Variants in ATXN1 observed in about 807,000 individuals in gnomAD.
ATXN1 encodes ataxin 1.
Under a neutral mutation model 56.4 loss-of-function variants are expected in ATXN1, and 8 were observed. The observed-to-expected ratio is 0.14, with a 90% CI of 0.08 to 0.26. The LOEUF is 0.26. Ranked by LOEUF, ATXN1 falls within the 10% of genes least tolerant of loss-of-function variation. The probability of loss-of-function intolerance (pLI) is 1.00; values close to 1 mark genes in which losing one functional copy is unlikely to be tolerated. For missense variants in ATXN1, 987 were observed against 1,106.5 expected, an observed-to-expected ratio of 0.89 and a Z score of 1.53; for synonymous variants, 514 against 494.6, an observed-to-expected ratio of 1.04 and a Z score of -0.52.
chr6:16,719,138 C>T lies in ATXN1; in HGVS notation c.-615+34095G>A, dbSNP rs148611734. ...ATCAACGCAATTAAGAGAAATCTGGCCTTTCACGTGAATTTATGATACAAG... is the reference window on the plus strand; with the variant it reads ...ATCAACGCAATTAAGAGAAATCTGGTCTTTCACGTGAATTTATGATACAAG... On this transcript the variant is annotated intron_variant, in intron 2 of 7. Coordinates refer to ENST00000436367, the MANE Select transcript of ATXN1 (RefSeq NM_001128164.2). 1.4e-4 allele frequency among the ~76,000 whole-genome samples: 22 copies of T among 152,268 alleles called. No homozygotes were observed. In the East Asian group the frequency reaches 4.2e-3, roughly 29 times the overall value.
intron 4 of ATXN1, among the ~76,000 whole-genome samples, chr6:16,536,554 G>GA (rs1188549575): frequency 3.9e-5 from 6 of 152,166 alleles, no homozygotes; most frequent in Admixed American, 1.3e-4. Context: ...AGTTTCCCAG[G>GA]AAAGATTTAT....
chr6:16,727,481 C>T (rs1150633), intron 2 of ATXN1, among the ~76,000 whole-genome samples: 41,452 of 151,866 alleles, frequency 0.27, 6,051 homozygotes, highest in African/African-American at 0.35. Flanking sequence ...TACAATGTTT[C>T]AAGAAGAAAT....
intron 6 of ATXN1, among the ~76,000 whole-genome samples, chr6:16,407,266 C>T (rs1362318549): frequency 1.3e-5 from 2 of 152,184 alleles, no homozygotes; most frequent in Non-Finnish European, 2.9e-5. Flanking sequence ...GAAACAAATA[C>T]ATTATTAAAT....
intron 3 of ATXN1, among the ~76,000 whole-genome samples, chr6:16,651,825 T>A (rs537956972): frequency 6.6e-6 from 1 of 152,374 alleles, no homozygotes; most frequent in Admixed American, 6.5e-5. Flanking sequence ...ATGGTGCAGA[T>A]GCCTTCAGGG....
intron 4 of ATXN1, among the ~76,000 whole-genome samples, chr6:16,524,452 G>A (rs1022434690): frequency 6.6e-6 from 1 of 152,166 alleles, no homozygotes; most frequent in African/African-American, 2.4e-5. Flanking sequence ...CAGACGAGAC[G>A]TCTACAGTAC....
At chr6:16,749,338 C>T (rs1195225498) in intron 2 of ATXN1, among the ~76,000 whole-genome samples, 1 of 152,178 alleles carries the variant, frequency 6.6e-6, no homozygotes, top group Non-Finnish European at 1.5e-5. Flanking sequence ...GTTGTTAAAA[C>T]GTACAGGGCT....
Position 16,546,406 on chromosome 6 carries a change from C to T in ATXN1, c.-360-23718G>A, listed in dbSNP as rs114604248. Among the ~76,000 whole-genome samples, 89 of 152,322 alleles carry T rather than the reference C, an allele frequency of 5.8e-4. 2 individuals are homozygous for T. Among genetic ancestry groups the T allele is most frequent in the African/African-American group, 2.1e-3 (87 of 41,558 alleles). On this transcript the variant is annotated intron_variant, in intron 4 of 7. Coordinates refer to ENST00000436367, the MANE Select transcript of ATXN1 (RefSeq NM_001128164.2). ...TGATGAGGCAGGGCTGGAGCCCAGT[C>T]TTGTCACCTGGGGCCAGGTGTGCTC...
intron 6 of ATXN1, among the ~76,000 whole-genome samples, chr6:16,348,122 C>T (rs1043656976): frequency 5.9e-5 from 9 of 152,186 alleles, no homozygotes; most frequent in Non-Finnish European, 1.3e-4. Flanking sequence ...TAATTCTGGA[C>T]ACAGTAGCAC....
intron 4 of ATXN1, among the ~76,000 whole-genome samples, chr6:16,556,115 A>G (rs1471295957): frequency 1.3e-5 from 2 of 152,230 alleles, no homozygotes; most frequent in Non-Finnish European, 2.9e-5. Context: ...CTTACAAATG[A>G]TAAAATATTT....
chr6:16,590,647 T>C (rs1294316995), intron 3 of ATXN1, among the ~76,000 whole-genome samples: 1 of 152,010 alleles, frequency 6.6e-6, no homozygotes, highest in Non-Finnish European at 1.5e-5. Context: ...AGGGGAAGTA[T>C]AAAAATACTA....
chr6:16,487,637 A>C (rs994797205), intron 5 of ATXN1, among the ~76,000 whole-genome samples: 1 of 152,228 alleles, frequency 6.6e-6, no homozygotes, highest in Non-Finnish European at 1.5e-5. Flanking sequence ...TGGGGAATAC[A>C]TGGTAAACAA....
At chr6:16,583,874 G>A (rs962176134) in intron 4 of ATXN1, among the ~76,000 whole-genome samples, 7 of 152,192 alleles carry the variant, frequency 4.6e-5, no homozygotes, top group African/African-American at 1.7e-4. Flanking sequence ...AGGGAGGAAA[G>A]AGAGGCAAAG....
At chr6:16,623,211 A>G (rs1455930650) in intron 3 of ATXN1, among the ~76,000 whole-genome samples, 1 of 152,220 alleles carries the variant, frequency 6.6e-6, no homozygotes, top group Non-Finnish European at 1.5e-5. Context: ...AGAAGTCTCT[A>G]GGAAACACCT....
chr6:16,541,404 G>T (rs368297585), intron 4 of ATXN1, among the ~76,000 whole-genome samples: 1 of 152,172 alleles, frequency 6.6e-6, no homozygotes, highest in African/African-American at 2.4e-5. Flanking sequence ...CAGCTTGAGC[G>T]TCTCTTTCTG....
chr6:16,627,620 G>A (rs374243209), intron 3 of ATXN1, among the ~76,000 whole-genome samples: 4 of 152,184 alleles, frequency 2.6e-5, no homozygotes, highest in African/African-American at 7.2e-5. Context: ...CTAGCTACTC[G>A]GGAGGCTGAG....
chr6:16,724,281 C>T (rs1049586289), intron 2 of ATXN1, among the ~76,000 whole-genome samples: 4 of 152,010 alleles, frequency 2.6e-5, no homozygotes, highest in African/African-American at 9.7e-5. Flanking sequence ...AGAGAAAATT[C>T]ATGAAGTCTC....
At chr6:16,724,097 A>G (rs1024533538) in intron 2 of ATXN1, among the ~76,000 whole-genome samples, 7 of 152,314 alleles carry the variant, frequency 4.6e-5, no homozygotes, top group Non-Finnish European at 1.0e-4. Flanking sequence ...AGTTCAGCCC[A>G]ATCAGCTCTC....
intron 2 of ATXN1, among the ~76,000 whole-genome samples, chr6:16,723,395 C>T (rs1248018332): frequency 6.6e-6 from 1 of 152,180 alleles, no homozygotes; most frequent in Non-Finnish European, 1.5e-5. Context: ...TCAGCTTACA[C>T]ATAACTTATT....
intron 6 of ATXN1, among the ~76,000 whole-genome samples, chr6:16,362,676 T>C (rs959369709): frequency 1.3e-5 from 2 of 152,242 alleles, no homozygotes; most frequent in East Asian, 3.8e-4. Context: ...TAAGTTTAAG[T>C]GTTCAGATCA....
Sources: gnomAD v4.1 joint callset for allele counts (sites outside exome capture counted in the v4.1 genomes callset) on GRCh38, gnomAD v4.1.1 for gene constraint, MANE v1.5 for transcripts, NCBI Gene and HGNC (gene_info 2026-07-23, HGNC 2026-07-21) for gene names.